The following FLVCR2 variants were observed in gnomAD, a reference collection of about 807,000 sequenced individuals.
FLVCR2 encodes the protein choline/ethanolamine transporter FLVCR2.
Under a neutral mutation model 48.9 loss-of-function variants are expected in FLVCR2, and 38 were observed. The observed-to-expected ratio is 0.78, with a 90% confidence interval of 0.60 to 1.02. FLVCR2 has a LOEUF of 1.02. Among genes scored for constraint, FLVCR2 ranks in the 50% least tolerant of loss-of-function variants. FLVCR2 has a pLI of 0.00. For synonymous variants in FLVCR2, 255 were observed against 257.0 expected, an observed-to-expected ratio of 0.99 and a Z score of 0.07; for missense variants, 664 against 663.3, an observed-to-expected ratio of 1.00 and a Z score of -0.01.
chr14:75,591,906 A>G (rs1443672785), intron 1 of FLVCR2, among the ~76,000 whole-genome samples: 1 of 141,776 alleles, frequency 7.1e-6, no homozygotes, highest in African/African-American at 2.7e-5. Context: ...TTGACCTCTG[A>G]GGCTCAATCA....
chr14:75,613,997 A>C (rs1353984675), intron 1 of FLVCR2, among the ~76,000 whole-genome samples: 1 of 152,210 alleles, frequency 6.6e-6, no homozygotes, highest in East Asian at 1.9e-4. Flanking sequence ...TTAGGCCATA[A>C]AATCATTGGT....
At position 75,633,706 on chromosome 14, in the gene FLVCR2, T is replaced by C; in HGVS notation, c.1020+10T>C. The stretch of plus-strand genomic sequence containing the variant: ...GATCTGGCACTACCCGGTAAGGGAG[T>C]TCCCTAAGCATGTTGGGCCTCAAGA... On this transcript the variant is annotated intron_variant, in intron 4 of 9. Coordinates refer to ENST00000238667, the MANE Select transcript of FLVCR2 (RefSeq NM_017791.3). 2.5e-6 allele frequency: 4 copies of C among 1,607,746 alleles called. No homozygotes were observed. Among genetic ancestry groups the C allele is most frequent in the Non-Finnish European group, 3.4e-6 (4 of 1,174,194 alleles).
chr14:75,604,720 G>A (rs967575944), intron 1 of FLVCR2, among the ~76,000 whole-genome samples: 1 of 152,180 alleles, frequency 6.6e-6, no homozygotes, highest in Non-Finnish European at 1.5e-5. Flanking sequence ...TGGGTGCAGT[G>A]TGGACAAGCA....
intron 1 of FLVCR2, among the ~76,000 whole-genome samples, chr14:75,585,049 G>T (rs1454849985): frequency 6.6e-6 from 1 of 152,168 alleles, no homozygotes; most frequent in Non-Finnish European, 1.5e-5. Flanking sequence ...TGGGGGAGCA[G>T]AGGCTGAGGA....
chr14:75,640,199 C>T (rs1890274968), intron 6 of FLVCR2, among the ~76,000 whole-genome samples: 1 of 140,054 alleles, frequency 7.1e-6, no homozygotes, highest in Non-Finnish European at 1.5e-5. Context: ...GCGGAAGTTG[C>T]AGTGAGCCAA....
intron 2 of FLVCR2, among the ~76,000 whole-genome samples, chr14:75,623,597 T>C (rs1889816153): frequency 6.6e-6 from 1 of 152,138 alleles, no homozygotes; most frequent in Non-Finnish European, 1.5e-5. Flanking sequence ...CCACCAAGAA[T>C]CCAGGATGAG....
rs1422930655 is a variant in FLVCR2 at position 75,646,995 on chromosome 14, C to T, written c.*523C>T. The T allele has an allele frequency of 5.4e-6, 1 of 185,072 alleles. No homozygotes were observed. Among genetic ancestry groups the T allele is most frequent in the African/African-American group, 2.3e-5 (1 of 42,752 alleles). 11.5% of individuals were successfully genotyped at this position (185,072 alleles called of 1,614,324 possible). On this transcript the variant is annotated 3_prime_UTR_variant, in exon 10 of 10. Transcript: ENST00000238667. ...AGAGGAAGCACCATTAGAACAACTC[C>T]ATCAGAACAGCTCCACCGGGACTTG...
intron 1 of FLVCR2, chr14:75,605,452 C>T (rs1360956623): frequency 2.0e-6 from 3 of 1,488,380 alleles, no homozygotes; most frequent in Non-Finnish European, 2.7e-6. Context: ...CTCTGGTGGC[C>T]CAGCCAGACA....
At chr14:75,638,628 A>G (rs574141184) in intron 5 of FLVCR2, among the ~76,000 whole-genome samples, 4 of 152,082 alleles carry the variant, frequency 2.6e-5, no homozygotes, top group Admixed American at 6.5e-5. Context: ...CCACCTCATC[A>G]TGGCTGATGT....
At chr14:75,619,181 C>T (rs1889697506) in intron 1 of FLVCR2, among the ~76,000 whole-genome samples, 1 of 152,206 alleles carries the variant, frequency 6.6e-6, no homozygotes, top group Admixed American at 6.5e-5. Context: ...GAACTGAGAT[C>T]ATGCCACTGC....
chr14:75,591,039 G>A (rs1175302260), intron 1 of FLVCR2, among the ~76,000 whole-genome samples: 1 of 152,158 alleles, frequency 6.6e-6, no homozygotes, highest in South Asian at 2.1e-4. Flanking sequence ...GGTTGCACAG[G>A]CATTGGGTAA....
chr14:75,605,641 C>A (rs1290243057), intron 1 of FLVCR2: 1 of 1,535,630 alleles, frequency 6.5e-7, no homozygotes, highest in Admixed American at 2.0e-5. Context: ...ATAGATCTTA[C>A]TTCCTTCCCA....
chr14:75,605,448 T>C (rs1243503125), intron 1 of FLVCR2: 1 of 1,484,576 alleles, frequency 6.7e-7, no homozygotes, highest in African/African-American at 1.4e-5. Flanking sequence ...TAAGCTCTGG[T>C]GGCCCAGCCA....
At chr14:75,627,625 C>T (rs903659036) in intron 3 of FLVCR2, among the ~76,000 whole-genome samples, 2 of 152,196 alleles carry the variant, frequency 1.3e-5, no homozygotes, top group Non-Finnish European at 2.9e-5. Context: ...TAGCAGGTCC[C>T]CGGAAAAGCC....
In FLVCR2 at chr14:75,578,656, G is replaced by GA. The variant is rs1888511874; in HGVS notation, c.-315dup. ...CGGGCGAAGTGGCTGCGCAAGGAGA[G>GA]AACTTTTCCTGCACAAGGAACGCCT... On this transcript the variant is annotated 5_prime_UTR_variant, in exon 1 of 10. Coordinates refer to ENST00000238667, the MANE Select transcript of FLVCR2 (RefSeq NM_017791.3). The GA allele has an allele frequency of 2.2e-6, 1 of 459,310 alleles. No individual in the cohort carries two copies. Among genetic ancestry groups the GA allele is most frequent in the African/African-American group, 2.0e-5 (1 of 50,528 alleles). The allele number at this position is 459,310 out of a possible 1,614,324, so 28.5% of individuals were successfully genotyped here. A position where few individuals can be genotyped will look rare whatever the true frequency, so the allele number is the denominator to read the frequency against.
At chr14:75,597,577 C>CT (rs149988837) in intron 1 of FLVCR2, among the ~76,000 whole-genome samples, 18,735 of 148,580 alleles carry the variant, frequency 0.13, 2,938 homozygotes, top group African/African-American at 0.37. Flanking sequence ...TTTGTATTCT[C>CT]TTTTTTTTTT....
chr14:75,581,073 T>A (rs542103479), intron 1 of FLVCR2, among the ~76,000 whole-genome samples: 2 of 152,264 alleles, frequency 1.3e-5, no homozygotes, highest in Admixed American at 6.5e-5. Flanking sequence ...CGTGGGAACC[T>A]ACAGTGGGAG....
At chr14:75,614,383 C>A (rs1006985917) in intron 1 of FLVCR2, among the ~76,000 whole-genome samples, 2 of 152,232 alleles carry the variant, frequency 1.3e-5, no homozygotes, top group Non-Finnish European at 1.5e-5. Flanking sequence ...TGAGTAAGCG[C>A]CAGACTAGCA....
rs896147396 is a variant in FLVCR2 at position 75,616,414 on chromosome 14, A to G, written c.670-5665A>G. Among the ~76,000 whole-genome samples the G allele has an allele frequency of 4.6e-5, 7 of 152,304 alleles. No individual in the cohort carries two copies. The South Asian group carries it at 8.3e-4, about 18-fold the overall frequency. Reference sequence around the variant, plus strand: ...CCCAGATTAGGTCATAAAGGGACCAAATTTGATGGAAGCCTTCAGCCTCAG... The same window carrying G: ...CCCAGATTAGGTCATAAAGGGACCAGATTTGATGGAAGCCTTCAGCCTCAG... On this transcript the variant is annotated intron_variant, in intron 1 of 9. Coordinates refer to ENST00000238667, the MANE Select transcript of FLVCR2 (RefSeq NM_017791.3).
Sources: allele counts gnomAD v4.1 joint callset (sites outside exome capture counted in the v4.1 genomes callset), GRCh38; gene constraint gnomAD v4.1.1; transcripts MANE v1.5; gene names NCBI Gene and HGNC (gene_info 2026-07-23, HGNC 2026-07-21).